The following DAPK1 variants were observed in gnomAD, a reference collection of about 807,000 sequenced individuals.
The protein encoded by DAPK1 is death-associated protein kinase 1.
A neutral mutation model predicts 144.9 loss-of-function variants in DAPK1; 56 were observed. That is an observed-to-expected ratio of 0.39 (90% confidence interval 0.31 to 0.48). DAPK1 has a LOEUF of 0.48. DAPK1 is among the 20% of genes least tolerant of loss of function. DAPK1 has a pLI of 0.95. For missense variants in DAPK1, 1,454 were observed against 1,875.4 expected (o/e 0.78, Z 4.15); for synonymous variants, 690 against 749.0 (o/e 0.92, Z 1.29).
intron 7 of DAPK1, among the ~76,000 whole-genome samples, chr9:87,640,096 CA>C (rs2119132597): frequency 6.6e-6 from 1 of 152,270 alleles, no homozygotes; most frequent in Non-Finnish European, 1.5e-5. Context: ...GACGCTGTTC[CA>C]GATTAACTTG....
In DAPK1 at chr9:87,538,347, A is replaced by G. The variant is rs547262490; in HGVS notation, c.62+39208A>G. Reference sequence around the variant, plus strand: ...AAAATCACCAAAAATTCCACTCCCAAAGAAAATCATTGTAAATATTCAGTC... The same window carrying G: ...AAAATCACCAAAAATTCCACTCCCAGAGAAAATCATTGTAAATATTCAGTC... On this transcript the variant is annotated intron_variant, in intron 2 of 25. Coordinates refer to ENST00000408954, the MANE Select transcript of DAPK1 (RefSeq NM_004938.4). 6.0e-4 allele frequency among the ~76,000 whole-genome samples: 92 copies of G among 152,314 alleles called. 1 individual carries two copies. The highest frequency in any genetic ancestry group is 3.4e-3 in the Middle Eastern group (1 of 294).
chr9:87,640,731 C>T (rs1340269296), intron 8 of DAPK1, 71 bp from the exon 9 acceptor site: 4 of 1,520,296 alleles, frequency 2.6e-6, no homozygotes, highest in Middle Eastern at 1.7e-4. Flanking sequence ...CAGGCCCAGC[C>T]AGCATGAAAA....
chr9:87,679,603 T>C (rs1323443300), intron 19 of DAPK1, among the ~76,000 whole-genome samples: 1 of 152,206 alleles, frequency 6.6e-6, no homozygotes, highest in Admixed American at 6.5e-5. Flanking sequence ...ATTGTTCACA[T>C]GTCTGTATCT....
intron 3 of DAPK1, among the ~76,000 whole-genome samples, chr9:87,612,142 A>G (rs1329301656): frequency 6.6e-6 from 1 of 152,170 alleles, no homozygotes; most frequent in Non-Finnish European, 1.5e-5. Context: ...AGGAGCCCTT[A>G]TGGCCTAAAT....
chr9:87,510,204 G>C (rs148345491), intron 2 of DAPK1, among the ~76,000 whole-genome samples: 17 of 152,142 alleles, frequency 1.1e-4, no homozygotes, highest in African/African-American at 4.1e-4. Flanking sequence ...CACGTATGGA[G>C]CAGACAGGGT....
At chr9:87,652,690 C>T (rs71489455) in intron 17 of DAPK1, among the ~76,000 whole-genome samples, 2 of 139,074 alleles carry the variant, frequency 1.4e-5, no homozygotes, top group Non-Finnish European at 3.1e-5. Flanking sequence ...GATTCTGTGT[C>T]CTCTCACCTG....
intron 2 of DAPK1, among the ~76,000 whole-genome samples, chr9:87,552,290 C>T (rs1826520352): frequency 6.6e-6 from 1 of 152,134 alleles, no homozygotes; most frequent in South Asian, 2.1e-4. Context: ...GTACCTAGGA[C>T]TTCAGTCCCA....
At chr9:87,522,940 T>C (rs1212957444) in intron 2 of DAPK1, among the ~76,000 whole-genome samples, 1 of 152,242 alleles carries the variant, frequency 6.6e-6, no homozygotes, top group Non-Finnish European at 1.5e-5. Context: ...TCTACGTTTG[T>C]AGACTTTTAT....
chr9:87,560,888 A>G (rs1587719403), intron 2 of DAPK1, among the ~76,000 whole-genome samples: 2 of 151,466 alleles, frequency 1.3e-5, no homozygotes, highest in South Asian at 4.2e-4. Context: ...CTGGTCTTGA[A>G]CTCCTGACCT....
intron 2 of DAPK1, among the ~76,000 whole-genome samples, chr9:87,558,841 G>T (rs531010595): frequency 6.6e-6 from 1 of 152,270 alleles, no homozygotes; most frequent in Admixed American, 6.5e-5. Flanking sequence ...TGCTCCATGT[G>T]GGCGGACTCC....
chr9:87,559,467 T>G (rs1936692213), intron 2 of DAPK1, among the ~76,000 whole-genome samples: 2 of 141,626 alleles, frequency 1.4e-5, no homozygotes, highest in African/African-American at 5.0e-5. Flanking sequence ...ATGGGACTAG[T>G]GTTTCCAAAA....
rs928787276 is a variant in DAPK1, at chr9:87,686,144, G to A, written c.2225-407G>A. ...GCAAGAGAGAGAAGTCGCTCAGTGG[G>A]AGCTGGAGGAAGACAGAGACTGCGA... On this transcript the variant is annotated intron_variant, in intron 20 of 25. Coordinates refer to ENST00000408954, the MANE Select transcript of DAPK1 (RefSeq NM_004938.4). The surrounding 1 kb of genome is among the most constrained non-coding windows in gnomAD (Gnocchi z 4.2). 2.0e-5 allele frequency among the ~76,000 whole-genome samples: 3 copies of A among 152,190 alleles called. No individual in the cohort carries two copies. The highest frequency in any genetic ancestry group is 2.9e-5 in the Non-Finnish European group (2 of 68,042).
At chr9:87,654,865 T>C (rs1056190932) in intron 17 of DAPK1, among the ~76,000 whole-genome samples, 15 of 152,184 alleles carry the variant, frequency 9.9e-5, no homozygotes, top group African/African-American at 3.6e-4. Flanking sequence ...GAATGTGTTC[T>C]TCCCAGTTTC....
intron 3 of DAPK1, chr9:87,632,009 G>C: frequency 1.3e-6 from 1 of 764,894 alleles, no homozygotes; most frequent in Non-Finnish European, 1.6e-6. Context: ...TATATGTAGA[G>C]ATGAAGGAGG....
rs549129067 is a variant in DAPK1 at position 87,498,142 on chromosome 9, A to G, written c.-109+35A>G. The G allele has an allele frequency of 6.0e-4, 236 of 396,270 alleles. 2 individuals are homozygous for G. The highest frequency in any genetic ancestry group is 7.0e-4 in the Non-Finnish European group (158 of 225,104). 24.5% of individuals were successfully genotyped at this position (396,270 alleles called of 1,614,324 possible). On this transcript the variant is annotated intron_variant, in intron 1 of 25. Coordinates refer to ENST00000408954, the MANE Select transcript of DAPK1 (RefSeq NM_004938.4). ...CAGGCGCGGCTCCCCGGTCCCCCCG[A>G]CCCCCGGCGCCAGCTTTTGCTTTCC...
intron 16 of DAPK1, chr9:87,650,656 GTAGT>G (rs1180223245): frequency 6.2e-6 from 1 of 162,002 alleles, no homozygotes; most frequent in Non-Finnish European, 1.4e-5. Flanking sequence ...TTGGGATTCT[GTAGT>G]TAATTTAATA....
chr9:87,702,858 C>T (rs1021378110), intron 24 of DAPK1, among the ~76,000 whole-genome samples, 171 bp from the exon 25 acceptor site: 22 of 151,956 alleles, frequency 1.4e-4, no homozygotes, highest in Admixed American at 7.2e-4. Context: ...TGGGCAATAG[C>T]GAGACCCAGT....
intron 2 of DAPK1, among the ~76,000 whole-genome samples, chr9:87,539,430 C>CCTT (rs1825964226): frequency 1.5e-5 from 2 of 129,260 alleles, no homozygotes; most frequent in East Asian, 2.3e-4. Flanking sequence ...AAATTTCTCA[C>CCTT]TTTTTTTTTT....
chr9:87,587,681 A>G (rs767157298), intron 2 of DAPK1, among the ~76,000 whole-genome samples: 12 of 152,228 alleles, frequency 7.9e-5, no homozygotes, highest in Non-Finnish European at 8.8e-5. Context: ...TCAGTATTTC[A>G]TAAGCGTAAT....
Sources: allele counts gnomAD v4.1 joint callset (sites outside exome capture counted in the v4.1 genomes callset), GRCh38; gene constraint gnomAD v4.1.1; non-coding constraint Gnocchi (gnomAD v3.1); transcripts MANE v1.5; gene names NCBI Gene and HGNC (gene_info 2026-07-23, HGNC 2026-07-21).